The following ALG1L2 variants were observed in gnomAD, a reference collection of about 807,000 sequenced individuals.
The protein encoded by ALG1L2 is putative glycosyltransferase ALG1L2.
In ALG1L2, 32 loss-of-function variants were observed where a neutral mutation model predicts 29.0. The ratio of observed to expected loss-of-function variants is 1.10; its 90% confidence interval spans 0.83 to 1.48. The LOEUF (loss-of-function observed/expected upper bound fraction) is 1.48, where lower values mean the gene tolerates loss of function less well. ALG1L2 is among the 40% of genes most tolerant of loss of function. ALG1L2 has a pLI of 0.00. For synonymous variants in ALG1L2, 110 were observed against 109.5 expected, an observed-to-expected ratio of 1.00 and a Z score of -0.03; for missense variants, 318 against 274.1, an observed-to-expected ratio of 1.16 and a Z score of -1.13.
rs375550375 is a variant in ALG1L2 at position 130,096,733 on chromosome 3, C to A, written c.540-442C>A. ...CCCTTGGCCCCTGCTCAGGAGCCGG[C>A]CCCTGGATGGGATTCAGGGATGTGA... On this transcript the variant is annotated intron_variant, in intron 6 of 7. Transcript: ENST00000425059. Among the ~76,000 whole-genome samples the A allele has an allele frequency of 9.7e-4, 147 of 152,224 alleles. 7 individuals are homozygous for A. The South Asian group carries it at 0.029, about 30-fold the overall frequency.
intron 1 of ALG1L2, among the ~76,000 whole-genome samples, chr3:130,087,786 C>T (rs1934923844): frequency 7.5e-6 from 1 of 132,574 alleles, no homozygotes; most frequent in South Asian, 2.4e-4. Context: ...TGAAAAAGTG[C>T]AATGTTTCTG....
intron 5 of ALG1L2, among the ~76,000 whole-genome samples, chr3:130,094,962 G>A (rs994856707): frequency 2.4e-4 from 37 of 152,270 alleles, no homozygotes; most frequent in African/African-American, 6.7e-4. Flanking sequence ...TTCCTGATGC[G>A]TCTCTAGAGC....
chr3:130,084,054 T>G (rs529643494), intron 1 of ALG1L2, among the ~76,000 whole-genome samples: 101 of 151,334 alleles, frequency 6.7e-4, no homozygotes, highest in African/African-American at 2.2e-3. Context: ...TGGGGCATCC[T>G]GCCTGGGAGG....
In ALG1L2 at chr3:130,088,655, T is replaced by G. The variant is rs145178885; in HGVS notation, c.21-2606T>G. On this transcript the variant is annotated intron_variant, in intron 1 of 7. Coordinates refer to ENST00000425059, the MANE Select transcript of ALG1L2 (RefSeq NM_001136152.1). ...CTGGTCTCAAACTCCCGATCTCAGG[T>G]GATCCACGCACCTTGGCTTCCCAAA... Among the ~76,000 whole-genome samples the G allele has an allele frequency of 1.3e-3, 195 of 152,406 alleles. No homozygotes were observed. The East Asian group carries it at 0.031, about 24-fold the overall frequency.
At chr3:130,095,892 G>A (rs1577330274) in intron 5 of ALG1L2, among the ~76,000 whole-genome samples, 157 bp from the exon 6 acceptor site, 1 of 152,250 alleles carries the variant, frequency 6.6e-6, no homozygotes, top group Non-Finnish European at 1.5e-5. Flanking sequence ...GCCAGGCCGT[G>A]TGGCTGCTTG....
At chr3:130,091,216 T>A (rs1038423920) in intron 1 of ALG1L2, 45 bp from the exon 2 acceptor site, 1 of 1,571,852 alleles carries the variant, frequency 6.4e-7, no homozygotes, top group South Asian at 1.1e-5. Context: ...GAAAGTAGCC[T>A]CCATGCTGGA....
intron 3 of ALG1L2, among the ~76,000 whole-genome samples, 185 bp from the exon 4 acceptor site, chr3:130,092,916 G>C (rs1432171912): frequency 6.6e-6 from 1 of 151,164 alleles, no homozygotes; most frequent in East Asian, 1.9e-4. Context: ...TGTAATCCCA[G>C]CTACTTGGGA....
chr3:130,093,434 CTT>C (rs34096233), intron 4 of ALG1L2, among the ~76,000 whole-genome samples: 11 of 142,930 alleles, frequency 7.7e-5, no homozygotes, highest in Admixed American at 1.4e-4. Context: ...TCATTGGTGT[CTT>C]TTTTTTTTTT....
chr3:130,097,442 G>T (rs1258390885), intron 7 of ALG1L2, among the ~76,000 whole-genome samples, 192 bp downstream of exon 7: 1 of 152,190 alleles, frequency 6.6e-6, no homozygotes, highest in African/African-American at 2.4e-5. Context: ...GCTCGGTAAA[G>T]TTAGGACACA....
At chr3:130,083,902 T>C (rs143238016) in intron 1 of ALG1L2, among the ~76,000 whole-genome samples, 255 of 150,594 alleles carry the variant, frequency 1.7e-3, no homozygotes, top group African/African-American at 5.8e-3. Flanking sequence ...CGTGGGGATG[T>C]GGGGTACAGG....
chr3:130,084,034 G>T (rs1934840088), intron 1 of ALG1L2, among the ~76,000 whole-genome samples: 1 of 151,542 alleles, frequency 6.6e-6, no homozygotes, highest in African/African-American at 2.4e-5. Flanking sequence ...GGCTGAGCCT[G>T]CAGTGGCCAT....
chr3:130,087,580 T>C (rs1330714279), intron 1 of ALG1L2, among the ~76,000 whole-genome samples: 1 of 144,400 alleles, frequency 6.9e-6, no homozygotes, highest in Admixed American at 7.1e-5. Context: ...GTCCTTGTTA[T>C]TAAGGAATAC....
At chr3:130,094,311 AG>A (rs1935083386) in intron 4 of ALG1L2, 91 bp from the exon 5 acceptor site, 1 of 1,479,642 alleles carries the variant, frequency 6.8e-7, no homozygotes, top group Admixed American at 1.7e-5. Flanking sequence ...TTCTGGGAAA[AG>A]GATCCCTCCT....
rs878973509 is a variant in ALG1L2 at position 130,085,611 on chromosome 3, C to A, written c.20+3575C>A. 1.2e-4 allele frequency among the ~76,000 whole-genome samples: 18 copies of A among 151,490 alleles called. No individual in the cohort carries two copies. In the South Asian group the frequency reaches 3.6e-3, roughly 30 times the overall value. On this transcript the variant is annotated intron_variant, in intron 1 of 7. Transcript: ENST00000425059. ...TATCAACCTGATTTTAACTTGACTA[C>A]CTTTGTAATGACTATCTCCAAATAT...
In ALG1L2 at chr3:130,091,489, C is replaced by T. The variant is rs1399015728; in HGVS notation, c.131+118C>T. On this transcript the variant is annotated intron_variant, in intron 2 of 7. Transcript: ENST00000425059. Reference sequence around the variant, plus strand: ...GGGATTGGCAAACTAAGGCTACAGGCCAGTCTCCTGCTTTTGTAAATCAAG... The same window carrying T: ...GGGATTGGCAAACTAAGGCTACAGGTCAGTCTCCTGCTTTTGTAAATCAAG... 6.0e-5 allele frequency: 64 copies of T among 1,072,874 alleles called. No homozygotes were observed. The South Asian group carries it at 7.6e-4, about 13-fold the overall frequency. The allele number at this position is 1,072,874 out of a possible 1,614,324, so 66.5% of individuals were successfully genotyped here. A position where few individuals can be genotyped will look rare whatever the true frequency, so the allele number is the denominator to read the frequency against.
rs540346172 is a variant in ALG1L2 at position 130,082,377 on chromosome 3, G to A, written c.20+341G>A. Among the ~76,000 whole-genome samples the A allele has an allele frequency of 4.6e-4, 48 of 104,214 alleles. 4 individuals are homozygous for A. Among genetic ancestry groups the A allele is most frequent in the East Asian group, 1.8e-3 (7 of 3,932 alleles). The allele number at this position is 104,214 out of a possible 152,430, so 68.4% of individuals were successfully genotyped here. A position where few individuals can be genotyped will look rare whatever the true frequency, so the allele number is the denominator to read the frequency against. On this transcript the variant is annotated intron_variant, in intron 1 of 7. Coordinates refer to ENST00000425059, the MANE Select transcript of ALG1L2 (RefSeq NM_001136152.1). ...TTTGTTTTGAGAAAGAGTCTCTGTC[G>A]CCCAGGCTGGAGTGCACTGGCACCA...
At chr3:130,083,091 C>T (rs1467591801) in intron 1 of ALG1L2, among the ~76,000 whole-genome samples, 3 of 132,296 alleles carry the variant, frequency 2.3e-5, no homozygotes, top group African/African-American at 7.6e-5. Flanking sequence ...CTTCCTTATG[C>T]ATCAGTAAGC....
chr3:130,091,660 A>C, intron 2 of ALG1L2: 1 of 543,288 alleles, frequency 1.8e-6, no homozygotes, highest in Admixed American at 3.0e-5. Flanking sequence ...AGGAATGTTA[A>C]AGGGTCTTAC....
At chr3:130,084,907 A>G (rs79901757) in intron 1 of ALG1L2, among the ~76,000 whole-genome samples, 5,248 of 111,120 alleles carry the variant, frequency 0.047, 88 homozygotes, top group Non-Finnish European at 0.075. Flanking sequence ...AAATACACAT[A>G]TATGTAGTGT....
Sources: gnomAD v4.1 joint callset for allele counts (sites outside exome capture counted in the v4.1 genomes callset) on GRCh38, gnomAD v4.1.1 for gene constraint, MANE v1.5 for transcripts, NCBI Gene and HGNC (gene_info 2026-07-23, HGNC 2026-07-21) for gene names.